MAGI2: variants seen among roughly 807,000 people sequenced by gnomAD.
MAGI2 encodes membrane-associated guanylate kinase, WW and PDZ domain-containing protein 2.
Under a neutral mutation model 133.3 loss-of-function variants are expected in MAGI2, and 35 were observed. That is an observed-to-expected ratio of 0.26 (90% CI 0.20 to 0.35). The LOEUF (loss-of-function observed/expected upper bound fraction) is 0.35. Among genes scored for constraint, MAGI2 ranks in the 10% least tolerant of loss-of-function variants. MAGI2 has a pLI of 1.00. For synonymous variants in MAGI2, 729 were observed against 710.6 expected, an observed-to-expected ratio of 1.03 and a Z score of -0.41; for missense variants, 1,636 against 1,863.4, an observed-to-expected ratio of 0.88 and a Z score of 2.25.
chr7:78,349,746 A>G (rs987602668), intron 7 of MAGI2, among the ~76,000 whole-genome samples: 4 of 152,210 alleles, frequency 2.6e-5, no homozygotes, highest in African/African-American at 9.7e-5. Flanking sequence ...TTGAAACTTA[A>G]AATGCTCACA....
intron 1 of MAGI2, among the ~76,000 whole-genome samples, chr7:79,119,602 TTG>T (rs1466986997): frequency 6.6e-6 from 1 of 152,124 alleles, no homozygotes; most frequent in East Asian, 1.9e-4. Context: ...GAAATATTAG[TTG>T]GAAACCTAGA....
chr7:78,799,838 G>A (rs1447153603), intron 2 of MAGI2, among the ~76,000 whole-genome samples: 2 of 152,050 alleles, frequency 1.3e-5, no homozygotes. Flanking sequence ...CTCCCTGTGG[G>A]ATCACCTTTT....
chr7:78,514,805 C>T (rs1318952380), intron 4 of MAGI2, among the ~76,000 whole-genome samples: 1 of 152,138 alleles, frequency 6.6e-6, no homozygotes, highest in African/African-American at 2.4e-5. Context: ...GATGCGGGTC[C>T]CTAATGGTGA....
intron 2 of MAGI2, among the ~76,000 whole-genome samples, chr7:78,649,753 A>G (rs10953659): frequency 0.27 from 41,686 of 151,968 alleles, 6,084 homozygotes; most frequent in Admixed American, 0.32. Flanking sequence ...TACAGATGGG[A>G]ACATTGGTAT....
chr7:79,418,532 G>T (rs1025304113), intron 1 of MAGI2, among the ~76,000 whole-genome samples: 2 of 152,020 alleles, frequency 1.3e-5, no homozygotes, highest in Non-Finnish European at 2.9e-5. Context: ...TCATTACGAT[G>T]AAAGACCAAT....
chr7:78,214,124 C>T (rs954949854), intron 10 of MAGI2, among the ~76,000 whole-genome samples: 2 of 152,224 alleles, frequency 1.3e-5, no homozygotes, highest in African/African-American at 4.8e-5. Flanking sequence ...TGAATGTTTT[C>T]ACCTGCTGAG....
chr7:78,751,215 G>T lies in MAGI2; in HGVS notation c.419-123976C>A, dbSNP rs567201975. 1.1e-3 allele frequency among the ~76,000 whole-genome samples: 173 copies of T among 152,218 alleles called. 2 individuals carry two copies. Among genetic ancestry groups the T allele is most frequent in the African/African-American group, 4.1e-3 (170 of 41,540 alleles). Reference sequence around the variant, plus strand: ...ACTTTAATTTCAAGGCATCATTGTTGTTCTAATGACAAAGTATTTCCCCAA... The same window carrying T: ...ACTTTAATTTCAAGGCATCATTGTTTTTCTAATGACAAAGTATTTCCCCAA... On this transcript the variant is annotated intron_variant, in intron 2 of 21. Coordinates refer to ENST00000354212, the MANE Select transcript of MAGI2 (RefSeq NM_012301.4).
intron 1 of MAGI2, among the ~76,000 whole-genome samples, chr7:79,064,257 AT>A (rs1230702658): frequency 6.6e-6 from 1 of 152,082 alleles, no homozygotes; most frequent in African/African-American, 2.4e-5. Context: ...CTTTAATATA[AT>A]TAAGTAGAAA....
At position 78,501,760 on chromosome 7, in the gene MAGI2, G is replaced by T. The variant is rs756478411; in HGVS notation, c.782C>A (p.Ala261Glu). 19 of 1,613,700 alleles carry T rather than the reference G, an allele frequency of 1.2e-5. No individual in the cohort carries two copies. The highest frequency in any genetic ancestry group is 1.6e-5 in the Non-Finnish European group (19 of 1,179,992). The change falls in exon 5 of 22, where the codon GCA (alanine) becomes GAA (glutamate). Residue 261 changes from alanine to glutamate, a missense_variant. Ala to Glu is a moderately radical substitution (Grantham distance 107). Transcript: ENST00000354212. ...PESSEHEDKS[A>E]GASGEMPSQP... Reference sequence around the variant, plus strand: ...GGAGGGCATCTCCCCTGAGGCACCTGCACTTTTGTCTTCATGTTCACTGGA... The same window carrying T: ...GGAGGGCATCTCCCCTGAGGCACCTTCACTTTTGTCTTCATGTTCACTGGA...
rs1205662341 is a variant in MAGI2, at chr7:78,373,518, G to A, written c.1046-4305C>T. Among the ~76,000 whole-genome samples the A allele has an allele frequency of 7.3e-5, 11 of 150,818 alleles. No homozygotes were observed. In the South Asian group the frequency reaches 2.1e-3, roughly 29 times the overall value. On this transcript the variant is annotated intron_variant, in intron 6 of 21. Coordinates refer to ENST00000354212, the MANE Select transcript of MAGI2 (RefSeq NM_012301.4). ...TAGAAGTCTAAAATAGCATCAAAAC[G>A]AAAACATGGAAAAATCTAGGTCACT...
At position 78,374,871 on chromosome 7, in the gene MAGI2, G is replaced by A. The variant is rs1001536339; in HGVS notation, c.1046-5658C>T. Among the ~76,000 whole-genome samples, 4 of 151,094 alleles carry A rather than the reference G, an allele frequency of 2.6e-5. No individual in the cohort carries two copies. The East Asian group carries it at 5.9e-4, about 22-fold the overall frequency. ...ATTTTTTTTTTTGAGACAGAGTCTC[G>A]CTCTGTCACCCAGGCTGGAGGACAG... On this transcript the variant is annotated intron_variant, in intron 6 of 21. Transcript: ENST00000354212.
At chr7:78,800,601 C>T (rs998415266) in intron 2 of MAGI2, among the ~76,000 whole-genome samples, 3 of 152,046 alleles carry the variant, frequency 2.0e-5, no homozygotes, top group African/African-American at 7.2e-5. Flanking sequence ...AATTTTTGGT[C>T]TATTATACAT....
intron 2 of MAGI2, among the ~76,000 whole-genome samples, chr7:78,802,353 G>A (rs1052106972): frequency 4.8e-4 from 73 of 152,156 alleles, no homozygotes; most frequent in African/African-American, 1.7e-3. Context: ...TGCCATTTAG[G>A]TTTTTTATGT....
At chr7:78,150,205 T>C (rs1422022613) in intron 16 of MAGI2, among the ~76,000 whole-genome samples, 1 of 152,150 alleles carries the variant, frequency 6.6e-6, no homozygotes, top group Admixed American at 6.6e-5. Context: ...AGAAATATTT[T>C]ATCCCAGGCC....
chr7:78,807,282 GTATT>G (rs1788656813), intron 2 of MAGI2, among the ~76,000 whole-genome samples: 1 of 151,972 alleles, frequency 6.6e-6, no homozygotes, highest in Admixed American at 6.6e-5. Flanking sequence ...AAAACTAAAA[GTATT>G]TATGAATGCA....
At chr7:78,044,261 C>G (rs1811163708) in intron 21 of MAGI2, among the ~76,000 whole-genome samples, 1 of 152,140 alleles carries the variant, frequency 6.6e-6, no homozygotes, top group African/African-American at 2.4e-5. Context: ...AGACATATGG[C>G]TGCTTTAACT....
chr7:78,406,248 T>C (rs1291874904), intron 6 of MAGI2, among the ~76,000 whole-genome samples: 5 of 152,022 alleles, frequency 3.3e-5, no homozygotes, highest in African/African-American at 1.2e-4. Context: ...GTCTTTTCCA[T>C]GCCTCCAACT....
chr7:78,391,225 T>A (rs375335257), intron 6 of MAGI2, among the ~76,000 whole-genome samples: 5 of 152,360 alleles, frequency 3.3e-5, no homozygotes, highest in Middle Eastern at 3.4e-3. Flanking sequence ...GTACTACAGA[T>A]ATAGTGAATA....
At chr7:78,741,419 ACACACACACG>A (rs764510340) in intron 2 of MAGI2, among the ~76,000 whole-genome samples, 1 of 117,150 alleles carries the variant, frequency 8.5e-6, no homozygotes, top group Non-Finnish European at 1.8e-5. Flanking sequence ...ACACACACAC[ACACACACACG>A]GGAGGGGGGT....
Sources: allele counts gnomAD v4.1 joint callset (sites outside exome capture counted in the v4.1 genomes callset), GRCh38; gene constraint gnomAD v4.1.1; transcripts MANE v1.5; gene names NCBI Gene and HGNC (gene_info 2026-07-23, HGNC 2026-07-21).